TSEN15: variants seen among roughly 807,000 people sequenced by gnomAD.
TSEN15 encodes tRNA splicing endonuclease subunit 15.
TSEN15 carries 10 observed loss-of-function variants against 20.5 expected under a neutral mutation model. The observed-to-expected ratio is 0.49, with a 90% CI of 0.30 to 0.83. TSEN15 has a LOEUF of 0.83. Ranked by LOEUF, TSEN15 falls within the 40% of genes least tolerant of loss-of-function variation. TSEN15 has a pLI of 0.06. For missense variants in TSEN15, 180 were observed against 218.6 expected, an observed-to-expected ratio of 0.82 and a Z score of 1.11; for synonymous variants, 72 against 80.1, an observed-to-expected ratio of 0.90 and a Z score of 0.54.
At chr1:184,071,115 T>A (rs940341894) in intron 3 of TSEN15, 1 of 152,214 alleles carries the variant, frequency 6.6e-6, no homozygotes, top group African/African-American at 2.4e-5. Flanking sequence ...CATATAATAA[T>A]CTTATGTGTA....
intron 3 of TSEN15, among the ~76,000 whole-genome samples, chr1:184,059,814 G>A (rs764108410): frequency 6.6e-6 from 1 of 152,122 alleles, no homozygotes; most frequent in Admixed American, 6.5e-5. Context: ...CAAGTTATCT[G>A]CCCGCCTTGG....
At chr1:184,081,315 C>T (rs1296859004) in intron 3 of TSEN15, among the ~76,000 whole-genome samples, 6 of 152,192 alleles carry the variant, frequency 3.9e-5, no homozygotes, top group South Asian at 2.1e-4. Context: ...TTGACTGAAA[C>T]GACCCATTGC....
rs141461280 is a variant in TSEN15, at chr1:184,058,866, T to G, written c.353+4003T>G. 2.1e-4 allele frequency among the ~76,000 whole-genome samples: 32 copies of G among 152,286 alleles called. No homozygotes were observed. The East Asian group carries it at 4.8e-3, about 23-fold the overall frequency. ...CTGTTTTCACTTTTAAATATTATTA[T>G]TTGTCAGATAATATTGCTTGGGCTT... On this transcript the variant is annotated intron_variant, in intron 3 of 4. Coordinates refer to ENST00000645668, the MANE Select transcript of TSEN15 (RefSeq NM_052965.4).
At chr1:184,077,328 A>G (rs1220378673), downstream of TSEN15, among the ~76,000 whole-genome samples, 1 of 152,152 alleles carries the variant, frequency 6.6e-6, no homozygotes, top group Non-Finnish European at 1.5e-5. Flanking sequence ...GGTTTACTGA[A>G]TATTTTAAGC....
At chr1:184,089,548 A>G (rs1651320952) in intron 3 of TSEN15, among the ~76,000 whole-genome samples, 1 of 152,134 alleles carries the variant, frequency 6.6e-6, no homozygotes, top group Non-Finnish European at 1.5e-5. Context: ...GGAGGAGAAG[A>G]GTGGAGTGAC....
intron 3 of TSEN15, chr1:184,071,041 A>G (rs1163606291): frequency 6.5e-6 from 1 of 153,414 alleles, no homozygotes; most frequent in Non-Finnish European, 1.5e-5. Flanking sequence ...AGTTGTATAT[A>G]TACTACATAA....
intron 3 of TSEN15, among the ~76,000 whole-genome samples, chr1:184,058,920 ACT>A (rs1321754095): frequency 6.6e-6 from 1 of 151,550 alleles, no homozygotes; most frequent in Non-Finnish European, 1.5e-5. Flanking sequence ...TTATTGAGTG[ACT>A]CTTATGTGTC....
At chr1:184,092,553 C>T (rs536711973) in intron 3 of TSEN15, among the ~76,000 whole-genome samples, 1 of 152,258 alleles carries the variant, frequency 6.6e-6, no homozygotes, top group East Asian at 1.9e-4. Flanking sequence ...GGAGCTTGGA[C>T]CTTGGTTTCT....
chr1:184,087,182 A>C (rs1651277482), intron 3 of TSEN15, among the ~76,000 whole-genome samples: 1 of 152,244 alleles, frequency 6.6e-6, no homozygotes. Context: ...GCCACACTAA[A>C]AGATGTTAAA....
chr1:184,085,301 A>C (rs1239083773), intron 3 of TSEN15, among the ~76,000 whole-genome samples: 1 of 152,322 alleles, frequency 6.6e-6, no homozygotes, highest in East Asian at 1.9e-4. Flanking sequence ...TAAATTAAAA[A>C]ACATGAAATA....
chr1:184,080,995 A>G (rs1651156022), intron 3 of TSEN15, among the ~76,000 whole-genome samples: 1 of 152,224 alleles, frequency 6.6e-6, no homozygotes, highest in Non-Finnish European at 1.5e-5. Flanking sequence ...TCTGGTGGAA[A>G]GACAATTCCA....
chr1:184,053,350 T>C (rs1433615754), intron 1 of TSEN15, among the ~76,000 whole-genome samples: 1 of 152,232 alleles, frequency 6.6e-6, no homozygotes, highest in Non-Finnish European at 1.5e-5. Context: ...AACACACTTT[T>C]ATTTTATTAT....
At position 184,068,432 on chromosome 1, in the gene TSEN15, C is replaced by T. The variant is rs75942045; in HGVS notation, c.354-3725C>T. Among the ~76,000 whole-genome samples, 6 of 152,168 alleles carry T rather than the reference C, an allele frequency of 3.9e-5. No homozygotes were observed. In the East Asian group the frequency reaches 1.2e-3, roughly 29 times the overall value. On this transcript the variant is annotated intron_variant, in intron 3 of 4. Coordinates refer to ENST00000645668, the MANE Select transcript of TSEN15 (RefSeq NM_052965.4). Reference sequence around the variant, plus strand: ...CTTCTCTGCATATTAGGATGTGTGTCCTCACCTTCCCTCTGCTAGAAATCT... The same window carrying T: ...CTTCTCTGCATATTAGGATGTGTGTTCTCACCTTCCCTCTGCTAGAAATCT...
chr1:184,089,692 C>T (rs1651324418), intron 3 of TSEN15, among the ~76,000 whole-genome samples: 1 of 149,534 alleles, frequency 6.7e-6, no homozygotes, highest in Admixed American at 6.8e-5. Context: ...GCGGAAAAAA[C>T]AGTCATTATT....
chr1:184,075,493 T>G (rs1651041868), downstream of TSEN15, among the ~76,000 whole-genome samples: 1 of 152,148 alleles, frequency 6.6e-6, no homozygotes, highest in Non-Finnish European at 1.5e-5. Context: ...GCACAGTAAC[T>G]CACATATAGT....
At chr1:184,093,898 T>C (rs1230374299) in intron 3 of TSEN15, 1 of 152,226 alleles carries the variant, frequency 6.6e-6, no homozygotes, top group African/African-American at 2.4e-5. Flanking sequence ...TTGCTTAATA[T>C]AAATCTTTCT....
chr1:184,093,846 C>A (rs1651400827), intron 3 of TSEN15: 1 of 152,144 alleles, frequency 6.6e-6, no homozygotes, highest in Non-Finnish European at 1.5e-5. Flanking sequence ...GGCCACAATC[C>A]TTGATCTGCG....
downstream of TSEN15, among the ~76,000 whole-genome samples, chr1:184,078,269 A>G (rs560357515): frequency 1.3e-5 from 2 of 152,296 alleles, no homozygotes; most frequent in Admixed American, 1.3e-4. Flanking sequence ...GTATTTTAAA[A>G]TTAAGGTGTG....
At chr1:184,086,803 A>G (rs1009116256) in intron 3 of TSEN15, among the ~76,000 whole-genome samples, 5 of 152,208 alleles carry the variant, frequency 3.3e-5, no homozygotes, top group Admixed American at 6.5e-5. Context: ...AACACCTTTG[A>G]TGACCTAATC....
Sources: gnomAD v4.1 joint callset for allele counts (sites outside exome capture counted in the v4.1 genomes callset) on GRCh38, gnomAD v4.1.1 for gene constraint, MANE v1.5 for transcripts, NCBI Gene and HGNC (gene_info 2026-07-23, HGNC 2026-07-21) for gene names.